The following TRIM37 variants were observed in gnomAD, a reference collection of about 807,000 sequenced individuals.
TRIM37 encodes the protein tripartite motif containing 37.
TRIM37 carries 80 observed loss-of-function variants against 129.8 expected under a neutral mutation model. That is an observed-to-expected ratio of 0.62 (90% CI 0.51 to 0.74). The LOEUF (loss-of-function observed/expected upper bound fraction) is 0.74, where lower values mean the gene tolerates loss of function less well. Ranked by LOEUF, TRIM37 falls within the 30% of genes least tolerant of loss-of-function variation. TRIM37 has a pLI of 0.00. For synonymous variants in TRIM37, 389 were observed against 387.1 expected, an observed-to-expected ratio of 1.00 and a Z score of -0.06; for missense variants, 1,054 against 1,176.5, an observed-to-expected ratio of 0.90 and a Z score of 1.52.
At chr17:59,058,637 C>A (rs570644978) in intron 12 of TRIM37, among the ~76,000 whole-genome samples, 2 of 152,100 alleles carry the variant, frequency 1.3e-5, no homozygotes, top group Non-Finnish European at 2.9e-5. Context: ...GTGGGCAGAT[C>A]GCCTGAGCCC....
chr17:59,104,601 T>C (rs1334041323), intron 1 of TRIM37: 4 of 705,364 alleles, frequency 5.7e-6, no homozygotes, highest in East Asian at 2.6e-5. Context: ...GATGATTCTA[T>C]TCTAAGGAAA....
At chr17:59,018,599 T>G (rs1022119040) in intron 19 of TRIM37, among the ~76,000 whole-genome samples, 4 of 152,014 alleles carry the variant, frequency 2.6e-5, no homozygotes, top group African/African-American at 9.7e-5. Flanking sequence ...TGAAAGAAAA[T>G]AGAGACAACA....
chr17:59,001,295 T>C (rs1327998838), intron 23 of TRIM37, among the ~76,000 whole-genome samples: 1 of 151,768 alleles, frequency 6.6e-6, no homozygotes, highest in Non-Finnish European at 1.5e-5. Context: ...TAAAAACCAT[T>C]CTCAGGTCAC....
chr17:59,020,754 C>T (rs1407902616), intron 19 of TRIM37, among the ~76,000 whole-genome samples: 1 of 152,052 alleles, frequency 6.6e-6, no homozygotes, highest in African/African-American at 2.4e-5. Context: ...CAGAGAAATG[C>T]AAATCAAAAC....
At chr17:59,057,614 C>A (rs569257307) in intron 12 of TRIM37, among the ~76,000 whole-genome samples, 1 of 152,340 alleles carries the variant, frequency 6.6e-6, no homozygotes, top group African/African-American at 2.4e-5. Context: ...ACCTCTGCCC[C>A]CCAGTTCAAG....
chr17:58,978,727 G>A (rs1196429616), downstream of TRIM37, among the ~76,000 whole-genome samples: 1 of 152,068 alleles, frequency 6.6e-6, no homozygotes, highest in African/African-American at 2.4e-5. Context: ...AGTGAATTGA[G>A]AGTCCCTTGT....
chr17:58,992,632 G>A (rs1297901053), intron 24 of TRIM37, among the ~76,000 whole-genome samples: 2 of 151,968 alleles, frequency 1.3e-5, no homozygotes, highest in Non-Finnish European at 1.5e-5. Flanking sequence ...TGCCTTCCTC[G>A]GCCTCCCAAA....
downstream of TRIM37, chr17:58,980,020 C>A: frequency 6.2e-7 from 1 of 1,614,024 alleles, no homozygotes; most frequent in Non-Finnish European, 8.5e-7. This position sits in a 1 kb window ranked among gnomAD's most constrained non-coding sequence, Gnocchi z 4.7. Flanking sequence ...CAGATTCTGC[C>A]TCCACTGTTC....
chr17:59,075,734 C>T lies in TRIM37; in HGVS notation c.617-20G>A, dbSNP rs761728935. 3 of 1,564,428 alleles carry T rather than the reference C, an allele frequency of 1.9e-6. No homozygotes were observed. Among genetic ancestry groups the T allele is most frequent in the Non-Finnish European group, 2.6e-6 (3 of 1,136,778 alleles). ...TCTGACCTGATGAAAAATAGTGAAT[C>T]ATCAACACTTGGGTTCATTATTGGT... On this transcript the variant is annotated intron_variant, in intron 7 of 23. Transcript: ENST00000262294.
At chr17:58,986,159 T>TC (rs71367652) in intron 24 of TRIM37, among the ~76,000 whole-genome samples, 3,515 of 151,440 alleles carry the variant, frequency 0.023, 127 homozygotes, top group African/African-American at 0.072. Context: ...AACTGAGCAT[T>TC]CCCCCCCACA....
intron 10 of TRIM37, 87 bp downstream of exon 10, chr17:59,064,268 A>G (rs2041746213): frequency 2.0e-6 from 2 of 979,752 alleles, no homozygotes; most frequent in South Asian, 3.0e-5. Context: ...GACACAGTTC[A>G]CTAGATTACT....
At chr17:58,971,982 C>A in the TRIM37 span, 1 of 721,436 alleles carries the variant, frequency 1.4e-6, no homozygotes, top group Non-Finnish European at 2.2e-6. Flanking sequence ...TATACAAATG[C>A]ATTGAGACAA....
intron 11 of TRIM37, 85 bp from the exon 12 acceptor site, chr17:59,061,193 G>A (rs1017899468): frequency 9.7e-7 from 1 of 1,028,910 alleles, no homozygotes; most frequent in Non-Finnish European, 1.5e-6. Context: ...TCTAGATTGA[G>A]AAGTACTTCT....
At chr17:59,062,927 C>T (rs983886492) in intron 10 of TRIM37, among the ~76,000 whole-genome samples, 2 of 152,132 alleles carry the variant, frequency 1.3e-5, no homozygotes, top group African/African-American at 2.4e-5. Context: ...AGGAATGTAT[C>T]ACCAAGTCTC....
At chr17:59,049,593 A>G (rs952666295) in intron 14 of TRIM37, among the ~76,000 whole-genome samples, 200 bp from the exon 15 acceptor site, 4 of 152,238 alleles carry the variant, frequency 2.6e-5, no homozygotes, top group African/African-American at 9.6e-5. Flanking sequence ...TACTGGGCTC[A>G]AACGATCCTA....
At chr17:59,091,567 T>A (rs867163462) in intron 2 of TRIM37, among the ~76,000 whole-genome samples, 90 of 3,872 alleles carry the variant, frequency 0.023, no homozygotes, top group East Asian at 0.099. Context: ...ATTATATATA[T>A]AATATATATA....
At chr17:59,018,048 T>C (rs1202252362) in intron 19 of TRIM37, among the ~76,000 whole-genome samples, 2 of 152,140 alleles carry the variant, frequency 1.3e-5, no homozygotes, top group African/African-American at 4.8e-5. Context: ...TAAAGTATTA[T>C]TGGATTAAAA....
intron 19 of TRIM37, among the ~76,000 whole-genome samples, chr17:59,028,193 T>C (rs146668545): frequency 2.0e-3 from 306 of 152,356 alleles, no homozygotes; most frequent in African/African-American, 7.1e-3. Context: ...AAGAATTTTG[T>C]CTTGTTTATT....
At chr17:59,011,735 CA>C (rs1259184249) in intron 22 of TRIM37, among the ~76,000 whole-genome samples, 1 of 152,152 alleles carries the variant, frequency 6.6e-6, no homozygotes, top group Non-Finnish European at 1.5e-5. Flanking sequence ...CAGCTGAGAA[CA>C]AGCTGAAGTC....
Sources: allele counts gnomAD v4.1 joint callset (sites outside exome capture counted in the v4.1 genomes callset), GRCh38; gene constraint gnomAD v4.1.1; non-coding constraint Gnocchi (gnomAD v3.1); transcripts MANE v1.5; gene names NCBI Gene and HGNC (gene_info 2026-07-23, HGNC 2026-07-21).